The following CDH13 variants were observed in gnomAD, a reference collection of about 807,000 sequenced individuals.
CDH13 encodes the protein cadherin-13.
CDH13 carries 24 observed loss-of-function variants against 63.8 expected under a neutral mutation model. That is an observed-to-expected ratio of 0.38 (90% CI 0.27 to 0.53). The LOEUF (loss-of-function observed/expected upper bound fraction) is 0.53. CDH13 is among the 20% of genes least tolerant of loss of function. The pLI is 0.85. For missense variants in CDH13, 1,049 were observed against 903.1 expected (o/e 1.16, Z -2.07); for synonymous variants, 503 against 355.3 (o/e 1.42, Z -4.67).
chr16:83,436,271 G>A (rs549582928), intron 6 of CDH13, among the ~76,000 whole-genome samples: 77 of 152,222 alleles, frequency 5.1e-4, no homozygotes, highest in African/African-American at 1.4e-3. Flanking sequence ...GGGCAATTTC[G>A]CTACATATGT....
chr16:82,791,695 C>G (rs546260140), intron 1 of CDH13, among the ~76,000 whole-genome samples: 42 of 152,350 alleles, frequency 2.8e-4, no homozygotes, highest in African/African-American at 9.9e-4. Flanking sequence ...CAGCGAGGCT[C>G]CCATTGCCAC....
At chr16:82,794,019 G>C (rs1184466470) in intron 1 of CDH13, among the ~76,000 whole-genome samples, 1 of 152,076 alleles carries the variant, frequency 6.6e-6, no homozygotes, top group Non-Finnish European at 1.5e-5. Flanking sequence ...CTCCCTGCTG[G>C]AGGAAAGCAG....
intron 3 of CDH13, among the ~76,000 whole-genome samples, chr16:83,080,738 G>A (rs935590399): frequency 1.3e-5 from 2 of 151,926 alleles, no homozygotes; most frequent in South Asian, 4.2e-4. Context: ...GCAATGGGGG[G>A]TGACTTTGTT....
At chr16:83,411,658 C>T (rs2092127681) in intron 6 of CDH13, among the ~76,000 whole-genome samples, 1 of 152,026 alleles carries the variant, frequency 6.6e-6, no homozygotes, top group Non-Finnish European at 1.5e-5. Context: ...ATTTTTATGC[C>T]CTTATAGGTC....
chr16:83,274,811 T>A (rs1158333125), intron 5 of CDH13, among the ~76,000 whole-genome samples: 1 of 152,138 alleles, frequency 6.6e-6, no homozygotes, highest in Non-Finnish European at 1.5e-5. Context: ...AACTATAATT[T>A]GTAAGCAAAA....
At chr16:83,583,387 C>A (rs1370345693) in intron 7 of CDH13, among the ~76,000 whole-genome samples, 1 of 152,238 alleles carries the variant, frequency 6.6e-6, no homozygotes, top group Non-Finnish European at 1.5e-5. Flanking sequence ...ACTCACTTCA[C>A]TTTGAGGAGC....
At chr16:83,379,507 C>G (rs2091517555) in intron 6 of CDH13, among the ~76,000 whole-genome samples, 1 of 152,146 alleles carries the variant, frequency 6.6e-6, no homozygotes, top group South Asian at 2.1e-4. Flanking sequence ...TGAGGTTGAT[C>G]AACCAGTTAT....
At chr16:83,587,952 T>A (rs1906332368) in intron 7 of CDH13, among the ~76,000 whole-genome samples, 1 of 150,902 alleles carries the variant, frequency 6.6e-6, no homozygotes, top group East Asian at 1.9e-4. Flanking sequence ...ACCTCTTTTT[T>A]TTTTTTTTGA....
At chr16:82,866,095 G>T (rs1247365998) in intron 2 of CDH13, among the ~76,000 whole-genome samples, 6 of 152,156 alleles carry the variant, frequency 3.9e-5, no homozygotes, top group Non-Finnish European at 1.5e-5. Context: ...CTTTATTCCA[G>T]TTCCCAGCAA....
intron 4 of CDH13, among the ~76,000 whole-genome samples, chr16:83,211,688 C>G (rs1054308890): frequency 2.6e-5 from 4 of 152,094 alleles, no homozygotes; most frequent in African/African-American, 9.7e-5. Flanking sequence ...ACTACCTGCT[C>G]CAGGCCTCAG....
At chr16:83,709,259 A>T (rs1044417380) in intron 10 of CDH13, among the ~76,000 whole-genome samples, 2 of 152,172 alleles carry the variant, frequency 1.3e-5, no homozygotes, top group Non-Finnish European at 2.9e-5. Flanking sequence ...TTAGACTCTG[A>T]CTTGTGGGAC....
intron 2 of CDH13, among the ~76,000 whole-genome samples, chr16:82,942,765 C>T (rs1227814789): frequency 6.6e-6 from 1 of 152,088 alleles, no homozygotes; most frequent in Non-Finnish European, 1.5e-5. Flanking sequence ...GTGATATGCC[C>T]AAGGTCACAG....
chr16:83,409,672 G>T (rs1432669030), intron 6 of CDH13, among the ~76,000 whole-genome samples: 1 of 152,128 alleles, frequency 6.6e-6, no homozygotes, highest in Non-Finnish European at 1.5e-5. Flanking sequence ...TCTTCAAAAT[G>T]GCATCTCCCA....
At chr16:83,737,724 C>T (rs965883514) in intron 10 of CDH13, among the ~76,000 whole-genome samples, 2 of 152,188 alleles carry the variant, frequency 1.3e-5, no homozygotes, top group African/African-American at 2.4e-5. Context: ...TCATCAACAG[C>T]CCTGATCATT....
intron 10 of CDH13, among the ~76,000 whole-genome samples, chr16:83,747,171 C>T (rs547544568): frequency 4.6e-5 from 7 of 152,314 alleles, no homozygotes; most frequent in East Asian, 1.9e-4. Flanking sequence ...CTTGCCCTCG[C>T]GTAACCTACA....
intron 7 of CDH13, among the ~76,000 whole-genome samples, chr16:83,592,093 C>A (rs1194074189): frequency 6.6e-6 from 1 of 152,154 alleles, no homozygotes; most frequent in Non-Finnish European, 1.5e-5. Context: ...TCTGTGCTTA[C>A]CCCATCTCAT....
chr16:83,741,812 C>T (rs112976543), intron 10 of CDH13, among the ~76,000 whole-genome samples: 12 of 144,672 alleles, frequency 8.3e-5, no homozygotes, highest in South Asian at 4.2e-4. Flanking sequence ...GGGCCACGGA[C>T]GGCCCCAACC....
At chr16:82,999,725 G>T (rs752974935) in intron 2 of CDH13, among the ~76,000 whole-genome samples, 8 of 152,108 alleles carry the variant, frequency 5.3e-5, no homozygotes, top group Non-Finnish European at 8.8e-5. Flanking sequence ...TATATATTCC[G>T]AAGGGCAAGG....
At chr16:82,839,082 G>A (rs1169472236) in intron 1 of CDH13, among the ~76,000 whole-genome samples, 1 of 152,244 alleles carries the variant, frequency 6.6e-6, no homozygotes, top group Non-Finnish European at 1.5e-5. Context: ...AATAGGCTAA[G>A]ATGTGGCCCG....
Sources: gnomAD v4.1 joint callset for allele counts (sites outside exome capture counted in the v4.1 genomes callset) on GRCh38, gnomAD v4.1.1 for gene constraint, MANE v1.5 for transcripts, NCBI Gene and HGNC (gene_info 2026-07-23, HGNC 2026-07-21) for gene names.